Variants in PLCB3 observed in about 807,000 individuals in gnomAD.
The protein encoded by PLCB3 is 1-phosphatidylinositol 4,5-bisphosphate phosphodiesterase beta-3.
A neutral mutation model predicts 152.1 loss-of-function variants in PLCB3; 54 were observed. The observed-to-expected ratio is 0.36, with a 90% CI of 0.29 to 0.45. The LOEUF (loss-of-function observed/expected upper bound fraction) is 0.45. Ranked by LOEUF, PLCB3 falls within the 20% of genes least tolerant of loss-of-function variation. PLCB3 has a pLI of 1.00. For missense variants in PLCB3, 1,248 were observed against 1,687.5 expected, an observed-to-expected ratio of 0.74 and a Z score of 4.56; for synonymous variants, 717 against 698.7, an observed-to-expected ratio of 1.03 and a Z score of -0.41.
Position 64,258,519 on chromosome 11 carries a change from A to T in PLCB3, c.1059A>T (p.Ala353=), listed in dbSNP as rs139714714. The change falls in exon 11 of 31, where the codon GCA becomes GCT. Residue 353 remains alanine, a synonymous_variant. Coordinates refer to ENST00000279230, the MANE Select transcript of PLCB3 (RefSeq NM_000932.5). The surrounding 1 kb of genome is among the most constrained non-coding windows in gnomAD (Gnocchi z 7.2). Reference sequence around the variant, plus strand: ...CGTCGGTGGAGATGTACCGCCAGGCACTACTATGGGGCTGCCGCTGCGTGG... The same window carrying T: ...CGTCGGTGGAGATGTACCGCCAGGCTCTACTATGGGGCTGCCGCTGCGTGG... ...GTSSVEMYRQ[A]LLWGCRCVEL... 41 of 1,613,764 alleles carry T rather than the reference A, an allele frequency of 2.5e-5. No homozygotes were observed. The African/African-American group carries it at 5.1e-4, about 20-fold the overall frequency.
chr11:64,260,537 G>A (rs1652954479), intron 14 of PLCB3, among the ~76,000 whole-genome samples: 1 of 152,046 alleles, frequency 6.6e-6, no homozygotes, highest in South Asian at 2.1e-4. Context: ...CAAAGGTCCT[G>A]GGGCAGGGCC....
At position 64,259,063 on chromosome 11, in the gene PLCB3, C is replaced by T. The variant is rs950378724; in HGVS notation, c.1344C>T (p.Ala448=). The change falls in exon 13 of 31, where the codon GCC becomes GCT. Residue 448 remains alanine, a synonymous_variant. Transcript: ENST00000279230. ...ACTCGTCCATGCCTGCCCAGCTGGC[C>T]CCAGGCGTTCCCCTGCCCAGCCCCC... ...LIEPLDKYPL[A]PGVPLPSPQD... is the part of the protein sequence containing the mutation. 1 of 1,611,664 alleles carries T rather than the reference C, an allele frequency of 6.2e-7. No homozygotes were observed. Among genetic ancestry groups the T allele is most frequent in the Non-Finnish European group, 8.5e-7 (1 of 1,178,826 alleles).
rs28395879 is a variant in PLCB3, at chr11:64,259,509, G to A, written c.1525+265G>A. On this transcript the variant is annotated intron_variant, in intron 13 of 30. Coordinates refer to ENST00000279230, the MANE Select transcript of PLCB3 (RefSeq NM_000932.5). ...ACCTCTCAGAGCCTTCCCACAACCC[G>A]GTGATGGCTCTGAAGGCTGACCTCT... Among the ~76,000 whole-genome samples the A allele has an allele frequency of 7.2e-4, 109 of 152,074 alleles. 2 individuals are homozygous for A. In the East Asian group the frequency reaches 0.012, roughly 17 times the overall value.
rs1565339033 is a variant in PLCB3, at chr11:64,266,497, A to T, written c.3359A>T (p.Glu1120Val). 1.2e-6 allele frequency: 2 copies of T among 1,613,696 alleles called. No individual in the cohort carries two copies. Among genetic ancestry groups the T allele is most frequent in the Non-Finnish European group, 1.7e-6 (2 of 1,179,824 alleles). ...CATCCTGCGTTGCTCCCGTGCAGGG[A>T]ACTGACGGAGATTAACCGTCGGCAC... is the stretch of plus-strand genomic sequence containing the variant. ...KMRDKHKKEA[E>V]LTEINRRHIT... The change falls in exon 29 of 31, where the codon GAA becomes GTA. Residue 1120 changes from glutamate (E) to valine (V), a missense_variant and splice_region_variant. Coordinates refer to ENST00000279230, the MANE Select transcript of PLCB3 (RefSeq NM_000932.5). The surrounding 1 kb of genome is among the most constrained non-coding windows in gnomAD (Gnocchi z 4.9).
chr11:64,262,473 C>T lies in PLCB3; in HGVS notation c.2105C>T (p.Pro702Leu), dbSNP rs2031903063. Reference protein sequence around the residue: ...YNGRSGYLLKPEFMRRPDKSF... With the variant: ...YNGRSGYLLKLEFMRRPDKSF... ...GGGCGCAGCGGGTACCTGCTCAAGC[C>T]GGAGTTCATGCGGCGGCCGGACAAG... Residue 702 changes from proline (P) to leucine (L), a missense_variant, in exon 18 of 31, where the codon CCG becomes CTG. Pro to Leu is a moderately conservative substitution (Grantham distance 98, BLOSUM62 -3). This residue lies in a region of PLCB3 where 244 missense variants were observed against 424.4 expected (regional missense o/e 0.57). Coordinates refer to ENST00000279230, the MANE Select transcript of PLCB3 (RefSeq NM_000932.5). The T allele has an allele frequency of 6.2e-7, 1 of 1,613,990 alleles. No homozygotes were observed. Among genetic ancestry groups the T allele is most frequent in the South Asian group, 1.1e-5 (1 of 91,088 alleles).
intron 20 of PLCB3, 38 bp downstream of exon 20, chr11:64,263,635 G>C: frequency 6.2e-7 from 1 of 1,604,404 alleles, no homozygotes; most frequent in Non-Finnish European, 8.5e-7. Flanking sequence ...ACAGCGGGCA[G>C]TGGGTAGGGC....
chr11:64,262,724 T>TA lies in PLCB3; in HGVS notation c.2272dup (p.Thr758AsnfsTer43). Reference sequence around the variant, plus strand: ...TGGACATGTTTGGCCTCCCTGTTGATACGCGGCGCAAGTACCGCACCCGGA... The same window carrying TA: ...TGGACATGTTTGGCCTCCCTGTTGATAACGCGGCGCAAGTACCGCACCCGGA... On this transcript the variant is annotated frameshift_variant, in exon 19 of 31. Coordinates refer to ENST00000279230, the MANE Select transcript of PLCB3 (RefSeq NM_000932.5). LOFTEE classifies it high-confidence loss of function. 2.5e-6 allele frequency: 4 copies of TA among 1,613,888 alleles called. No individual in the cohort carries two copies. Among genetic ancestry groups the TA allele is most frequent in the Non-Finnish European group, 3.4e-6 (4 of 1,180,012 alleles).
chr11:64,264,143 ACT>A, intron 22 of PLCB3, 31 bp downstream of exon 22: 1 of 1,436,934 alleles, frequency 7.0e-7, no homozygotes. Flanking sequence ...GCTCAGGCTC[ACT>A]GTGACCCAGG....
At chr11:64,262,835 G>A in intron 19 of PLCB3, 27 bp downstream of exon 19, 8 of 1,606,948 alleles carry the variant, frequency 5.0e-6, no homozygotes, top group Middle Eastern at 1.7e-4. Context: ...CACCCGCCCA[G>A]GCACAGGCAG....
At position 64,266,050 on chromosome 11, in the gene PLCB3, T is replaced by C. The variant is rs758899990; in HGVS notation, c.3189+11T>C. The C allele has an allele frequency of 1.2e-6, 2 of 1,613,744 alleles. No homozygotes were observed. Among genetic ancestry groups the C allele is most frequent in the African/African-American group, 1.3e-5 (1 of 74,888 alleles). ...GAACACCTGAGACAGGTAGGGGGCC[T>C]GCAGTGGCCAGGGAAAGCCTGCTGG... On this transcript the variant is annotated intron_variant, in intron 26 of 30. Transcript: ENST00000279230. This position sits in a 1 kb window ranked among gnomAD's most constrained non-coding sequence, Gnocchi z 4.9.
In PLCB3 at chr11:64,258,058, G is replaced by A. The variant is rs1452838199; in HGVS notation, c.1013-415G>A. Among the ~76,000 whole-genome samples the A allele has an allele frequency of 6.6e-6, 1 of 151,968 alleles. No homozygotes were observed. Among genetic ancestry groups the A allele is most frequent in the Non-Finnish European group, 1.5e-5 (1 of 67,990 alleles). Reference sequence around the variant, plus strand: ...AATCCCAGCTACTCGGGAGGCTGAGGCAGGAGAATCGCTTGAACCAGGGAG... The same window carrying A: ...AATCCCAGCTACTCGGGAGGCTGAGACAGGAGAATCGCTTGAACCAGGGAG... On this transcript the variant is annotated intron_variant, in intron 10 of 30. Transcript: ENST00000279230. This position sits in a 1 kb window ranked among gnomAD's most constrained non-coding sequence, Gnocchi z 7.2.
chr11:64,260,047 G>A lies in PLCB3; in HGVS notation c.1544G>A (p.Ser515Asn), dbSNP rs1261378550. Residue 515 changes from serine (S) to asparagine (N), a missense_variant, in exon 14 of 31, where the codon AGC (serine) becomes AAC (asparagine). Ser to Asn is a conservative substitution (Grantham distance 46). Transcript: ENST00000279230. Reference protein sequence around the residue: ...SPQLGSPSSDSCPGLSNGEEV... With the variant: ...SPQLGSPSSDNCPGLSNGEEV... Reference sequence around the variant, plus strand: ...TCTGCAGGGTCTCCCAGCTCTGACAGCTGCCCAGGCCTGAGCAATGGGGAG... The same window carrying A: ...TCTGCAGGGTCTCCCAGCTCTGACAACTGCCCAGGCCTGAGCAATGGGGAG... 1 of 1,610,694 alleles carries A rather than the reference G, an allele frequency of 6.2e-7. No homozygotes were observed. Among genetic ancestry groups the A allele is most frequent in the South Asian group, 1.1e-5 (1 of 90,628 alleles).
At chr11:64,265,523 T>C in intron 25 of PLCB3, 21 bp downstream of exon 25, 1 of 1,578,830 alleles carries the variant, frequency 6.3e-7, no homozygotes, top group East Asian at 2.3e-5. Flanking sequence ...GGGCCGCCTG[T>C]GTGCTATGTG....
chr11:64,256,844 C>T (rs2031559334), intron 10 of PLCB3, 80 bp downstream of exon 10: 1 of 1,477,562 alleles, frequency 6.8e-7, no homozygotes, highest in Non-Finnish European at 9.3e-7. Flanking sequence ...GGGCACAGTC[C>T]TTTTGGCCCA....
rs1038945486 is a variant in PLCB3, at chr11:64,258,933, A to G, written c.1302A>G (p.Gly434=). 2 of 1,613,700 alleles carry G rather than the reference A, an allele frequency of 1.2e-6. No homozygotes were observed. The highest frequency in any genetic ancestry group is 2.7e-5 in the African/African-American group (2 of 74,858). ...CTGAGTACTGCCGCTCCATCTTTGG[A>G]GACGCGCTACTCATCGAGCCTCTGG... is the stretch of plus-strand genomic sequence containing the variant. ...KMAEYCRSIF[G]DALLIEPLDK... Residue 434 remains glycine (G), a synonymous_variant, in exon 12 of 31, where the codon GGA becomes GGG. Coordinates refer to ENST00000279230, the MANE Select transcript of PLCB3 (RefSeq NM_000932.5). The surrounding 1 kb of genome is among the most constrained non-coding windows in gnomAD (Gnocchi z 7.2).
rs201636393 is a variant in PLCB3, at chr11:64,266,267, C to T, written c.3267-48C>T. ...TCTAGTACCAGAAGGAGGGCAGAGT[C>T]TGTGCTTCTGCCGCTGACCCCTCCT... is the stretch of plus-strand genomic sequence containing the variant. On this transcript the variant is annotated intron_variant, in intron 27 of 30. Coordinates refer to ENST00000279230, the MANE Select transcript of PLCB3 (RefSeq NM_000932.5). The surrounding 1 kb of genome is among the most constrained non-coding windows in gnomAD (Gnocchi z 4.9). 18 of 1,613,726 alleles carry T rather than the reference C, an allele frequency of 1.1e-5. No homozygotes were observed. The Admixed American group carries it at 2.3e-4, about 21-fold the overall frequency.
At chr11:64,265,532 T>C (rs2032076328) in intron 25 of PLCB3, 30 bp downstream of exon 25, 3 of 1,565,582 alleles carry the variant, frequency 1.9e-6, no homozygotes, top group South Asian at 2.3e-5. Context: ...GTGTGCTATG[T>C]GTGCTGGGTG....
chr11:64,265,099 G>C lies in PLCB3; in HGVS notation c.2801G>C (p.Ser934Thr), dbSNP rs761226304. ...TCCCCTGCCAGCACCTCCCTCAGCA[G>C]CCCAGGTAAGGAGTGGCCTGGGTCG... The part of the protein sequence containing the change: ...TTSPASTSLS[S>T]PGQRDDLIAS... Residue 934 changes from serine (S) to threonine (T), a missense_variant, in exon 23 of 31, where the codon AGC becomes ACC. Physicochemically the swap from Ser to Thr is moderately conservative, Grantham distance 58. Coordinates refer to ENST00000279230, the MANE Select transcript of PLCB3 (RefSeq NM_000932.5). 40 of 1,336,028 alleles carry C rather than the reference G, an allele frequency of 3.0e-5. No individual in the cohort carries two copies. The highest frequency in any genetic ancestry group is 3.4e-5 in the Non-Finnish European group (34 of 1,012,774). The allele number at this position is 1,336,028 out of a possible 1,614,324, so 82.8% of individuals were successfully genotyped here.
chr11:64,266,596 C>T lies in PLCB3; in HGVS notation c.3414+44C>T, dbSNP rs781454333. The T allele has an allele frequency of 6.3e-7, 1 of 1,587,782 alleles. No individual in the cohort carries two copies. Among genetic ancestry groups the T allele is most frequent in the Non-Finnish European group, 8.6e-7 (1 of 1,156,464 alleles). ...CCACCCTACCCCACCTCCCTTCCTTCACTCATCAGACACCCATCTCCATGC... is the reference window on the plus strand; with the variant it reads ...CCACCCTACCCCACCTCCCTTCCTTTACTCATCAGACACCCATCTCCATGC... On this transcript the variant is annotated intron_variant, in intron 29 of 30. Coordinates refer to ENST00000279230, the MANE Select transcript of PLCB3 (RefSeq NM_000932.5). The surrounding 1 kb of genome is among the most constrained non-coding windows in gnomAD (Gnocchi z 4.9).
Sources: gnomAD v4.1 joint callset for allele counts (sites outside exome capture counted in the v4.1 genomes callset) on GRCh38, gnomAD v4.1.1 for gene constraint, gnomAD v4.1.1 regional missense constraint, Gnocchi (gnomAD v3.1) non-coding constraint, MANE v1.5 for transcripts, NCBI Gene and HGNC (gene_info 2026-07-23, HGNC 2026-07-21) for gene names.